VPS13D: variants seen among roughly 807,000 people sequenced by gnomAD.
The protein encoded by VPS13D is intermembrane lipid transfer protein VPS13D.
Under a neutral mutation model 461.9 loss-of-function variants are expected in VPS13D, and 187 were observed. That is an observed-to-expected ratio of 0.40 (90% CI 0.36 to 0.46). The LOEUF (loss-of-function observed/expected upper bound fraction) is 0.46. Among genes scored for constraint, VPS13D ranks in the 20% least tolerant of loss-of-function variants. VPS13D has a pLI of 0.60. For missense variants in VPS13D, 4,711 were observed against 5,364.9 expected, an observed-to-expected ratio of 0.88 and a Z score of 3.81; for synonymous variants, 1,951 against 1,986.3, an observed-to-expected ratio of 0.98 and a Z score of 0.47.
chr1:12,238,446 A>G (rs1301619700), intron 2 of VPS13D, among the ~76,000 whole-genome samples: 1 of 151,854 alleles, frequency 6.6e-6, no homozygotes, highest in Non-Finnish European at 1.5e-5. Context: ...TCTAAAAAAT[A>G]GTAATAATAA....
intron 40 of VPS13D, among the ~76,000 whole-genome samples, chr1:12,340,008 T>C (rs1293253375): frequency 1.3e-5 from 2 of 152,216 alleles, no homozygotes; most frequent in African/African-American, 4.8e-5. Flanking sequence ...TCCTGGGCCC[T>C]TTATCTACTG....
chr1:12,301,567 G>A (rs1309216375), intron 25 of VPS13D, among the ~76,000 whole-genome samples: 2 of 152,186 alleles, frequency 1.3e-5, no homozygotes, highest in Admixed American at 1.3e-4. Context: ...CCTGGACTGC[G>A]GATGTATTCA....
intron 10 of VPS13D, among the ~76,000 whole-genome samples, chr1:12,259,500 C>T (rs1025849630): frequency 3.3e-5 from 5 of 151,878 alleles, no homozygotes; most frequent in Non-Finnish European, 5.9e-5. Flanking sequence ...GACAGGGTTT[C>T]GCTGTGTTGC....
Position 12,378,707 on chromosome 1 carries a change from A to C in VPS13D, c.11081+116A>C, listed in dbSNP as rs2273325. 2.6e-6 allele frequency: 3 copies of C among 1,153,882 alleles called. No individual in the cohort carries two copies. In the East Asian group the frequency reaches 8.9e-5, roughly 34 times the overall value. 71.5% of individuals were successfully genotyped at this position (1,153,882 alleles called of 1,614,324 possible). A position where few individuals can be genotyped will look rare whatever the true frequency, so the allele number is the denominator to read the frequency against. On this transcript the variant is annotated intron_variant, in intron 56 of 69. Coordinates refer to ENST00000620676, the MANE Select transcript of VPS13D (RefSeq NM_015378.4). ...TAAAGTAAAAATGTATATTTTTTTC[A>C]ATGACAAAAACCTGTCATATTCCCA...
intron 14 of VPS13D, 65 bp from the exon 15 acceptor site, chr1:12,267,780 G>T: frequency 6.9e-7 from 1 of 1,439,406 alleles, no homozygotes; most frequent in South Asian, 1.1e-5. Context: ...GGTAAGATGG[G>T]TTTGTTTAGT....
In VPS13D at chr1:12,257,049, G is replaced by T; in HGVS notation, c.903G>T (p.Lys301Asn). The change falls in exon 9 of 70, where the codon AAG becomes AAT. Residue 301 changes from lysine (K) to asparagine (N), a missense_variant. Lys to Asn is a moderately conservative substitution (Grantham distance 94, BLOSUM62 0). Around this residue, in one of 3 missense-constraint regions of VPS13D, gnomAD observed 4,411 missense variants for 4,937.8 expected, o/e 0.89. Transcript: ENST00000620676. Reference sequence around the variant, plus strand: ...TGGAACGAAAGGAGAGGCAGGTGAAGTTCCGAAGGTGGAAACCCAAGGTGG... The same window carrying T: ...TGGAACGAAAGGAGAGGCAGGTGAATTTCCGAAGGTGGAAACCCAAGGTGG... ...KELERKERQV[K>N]FRRWKPKVAI... 1 of 1,614,186 alleles carries T rather than the reference G, an allele frequency of 6.2e-7. No individual in the cohort carries two copies. Among genetic ancestry groups the T allele is most frequent in the Non-Finnish European group, 8.5e-7 (1 of 1,180,032 alleles).
chr1:12,364,918 T>C (rs11121903), intron 52 of VPS13D, among the ~76,000 whole-genome samples: 30,088 of 152,170 alleles, frequency 0.2, 5,184 homozygotes, highest in African/African-American at 0.46. Flanking sequence ...GTCTTTGATT[T>C]GTTTTGGGTT....
At chr1:12,452,833 G>A (rs1248531206) in intron 65 of VPS13D, among the ~76,000 whole-genome samples, 1 of 152,222 alleles carries the variant, frequency 6.6e-6, no homozygotes, top group Admixed American at 6.5e-5. Flanking sequence ...GGTTCTCAAA[G>A]CTGTATTTCT....
In VPS13D at chr1:12,341,811, A is replaced by G. The variant is rs28551666; in HGVS notation, c.8658A>G (p.Pro2886=). 2 of 1,613,680 alleles carry G rather than the reference A, an allele frequency of 1.2e-6. No homozygotes were observed. The highest frequency in any genetic ancestry group is 1.7e-6 in the Non-Finnish European group (2 of 1,179,918). ...TGAAAACCCCCAAGCGCCGGCAGCC[A>G]TTTGTCCCCTTTGCTCTGAGGAACC... The part of the protein sequence containing the change: ...AEVKTPKRRQ[P]FVPFALRNHT... Residue 2886 remains proline (P), a synonymous_variant, in exon 41 of 70, where the codon CCA becomes CCG. Transcript: ENST00000620676.
chr1:12,469,561 T>C (rs1329707232), intron 67 of VPS13D, among the ~76,000 whole-genome samples: 2 of 152,206 alleles, frequency 1.3e-5, no homozygotes, highest in African/African-American at 2.4e-5. Flanking sequence ...AATACAGTGA[T>C]TGATAATCCA....
rs761977910 is a variant in VPS13D, at chr1:12,506,852, G to C, written c.12795-1G>C. The C allele has an allele frequency of 6.2e-7, 1 of 1,613,648 alleles. No homozygotes were observed. On this transcript the variant is annotated splice_acceptor_variant, in intron 68 of 69. Coordinates refer to ENST00000620676, the MANE Select transcript of VPS13D (RefSeq NM_015378.4). LOFTEE classifies it high-confidence loss of function. The stretch of plus-strand genomic sequence containing the variant: ...TCCTGTGTTCCCGTCTCGCTTTGCA[G>C]CTTCATCGCTGTGGAGAACATTGAC...
In VPS13D at chr1:12,261,144, T is replaced by C. The variant is rs1641095012; in HGVS notation, c.1409T>C (p.Ile470Thr). Residue 470 changes from isoleucine (I) to threonine (T), a missense_variant, in exon 12 of 70, where the codon ATC becomes ACC. Transcript: ENST00000620676. ...EQQEQWIPEEILGTEEFFDPT... is the reference protein window; with the variant it reads ...EQQEQWIPEETLGTEEFFDPT... ...CAGGAGCAGTGGATTCCTGAAGAGA[T>C]CCTGGGTACGGTGGGAGCTGGCCTT... 1 of 1,614,152 alleles carries C rather than the reference T, an allele frequency of 6.2e-7. No individual in the cohort carries two copies. The highest frequency in any genetic ancestry group is 8.5e-7 in the Non-Finnish European group (1 of 1,180,024).
At chr1:12,329,106 AT>A (rs544121833) in intron 36 of VPS13D, among the ~76,000 whole-genome samples, 2 of 152,108 alleles carry the variant, frequency 1.3e-5, no homozygotes, top group South Asian at 4.1e-4. Context: ...TTGATTTCTT[AT>A]TTTTCTATGT....
chr1:12,400,275 T>C lies in VPS13D; in HGVS notation c.11729T>C (p.Val3910Ala), dbSNP rs1460222570. 2 of 1,614,156 alleles carry C rather than the reference T, an allele frequency of 1.2e-6. No individual in the cohort carries two copies. The highest frequency in any genetic ancestry group is 1.7e-6 in the Non-Finnish European group (2 of 1,180,036). Residue 3910 changes from valine to alanine, a missense_variant, in exon 61 of 70, where the codon GTG becomes GCG. By Grantham distance (64) the Val-to-Ala change is moderately conservative. Transcript: ENST00000620676. ...ENEVIETGPAVQVNAVKFPSK... is the reference protein window; with the variant it reads ...ENEVIETGPAAQVNAVKFPSK... ...GAGGTCATCGAGACCGGCCCAGCTG[T>C]GCAAGTCAACGCAGTGAAGTTCCCC...
chr1:12,290,962 A>G, intron 22 of VPS13D, 36 bp from the exon 23 acceptor site: 2 of 1,560,970 alleles, frequency 1.3e-6, no homozygotes, highest in Non-Finnish European at 1.7e-6. Context: ...ACAAAAAAGG[A>G]TACATAGTAA....
chr1:12,384,616 T>TTTTA (rs947094101), intron 58 of VPS13D, among the ~76,000 whole-genome samples: 59 of 152,080 alleles, frequency 3.9e-4, no homozygotes, highest in South Asian at 8.3e-4. Flanking sequence ...CAACACCACT[T>TTTTA]TTTATTTATT....
intron 50 of VPS13D, 43 bp downstream of exon 50, chr1:12,358,644 C>G (rs10864552): frequency 6.2e-7 from 1 of 1,606,200 alleles, no homozygotes; most frequent in Non-Finnish European, 8.5e-7. Context: ...AACCATTGGC[C>G]GATGACCTCA....
At chr1:12,407,721 G>A (rs1032433419) in intron 63 of VPS13D, among the ~76,000 whole-genome samples, 1 of 152,118 alleles carries the variant, frequency 6.6e-6, no homozygotes, top group African/African-American at 2.4e-5. Flanking sequence ...TTACTTAAGG[G>A]CCAGAATATT....
At chr1:12,435,745 G>A (rs183520625) in intron 65 of VPS13D, among the ~76,000 whole-genome samples, 3 of 151,682 alleles carry the variant, frequency 2.0e-5, no homozygotes, top group Admixed American at 6.6e-5. Flanking sequence ...ACCTCTCTGC[G>A]ATATATTTGC....
Sources: allele counts gnomAD v4.1 joint callset (sites outside exome capture counted in the v4.1 genomes callset), GRCh38; gene constraint gnomAD v4.1.1; regional missense constraint gnomAD v4.1.1; transcripts MANE v1.5; gene names NCBI Gene and HGNC (gene_info 2026-07-23, HGNC 2026-07-21).